Variants in BOD1L1 observed in about 807,000 individuals in gnomAD.
BOD1L1 encodes the protein biorientation of chromosomes in cell division 1 like 1, also known as biorientation of chromosomes in cell division protein 1-like 1.
BOD1L1 carries 86 observed loss-of-function variants against 240.7 expected under a neutral mutation model. The observed-to-expected ratio is 0.36, with a 90% confidence interval of 0.30 to 0.43. The LOEUF (loss-of-function observed/expected upper bound fraction) is 0.43. Ranked by LOEUF, BOD1L1 falls within the 20% of genes least tolerant of loss-of-function variation. BOD1L1 has a pLI of 1.00. For synonymous variants in BOD1L1, 1,268 were observed against 1,272.3 expected (o/e 1.00, Z 0.07); for missense variants, 3,554 against 3,643.5 (o/e 0.98, Z 0.63).
Position 13,615,501 on chromosome 4 carries a change from A to G in BOD1L1, c.370T>C (p.Ser124Pro). The G allele has an allele frequency of 6.3e-7, 1 of 1,587,584 alleles. No homozygotes were observed. Among genetic ancestry groups the G allele is most frequent in the South Asian group, 1.2e-5 (1 of 86,610 alleles). The change falls in exon 3 of 26, where the codon TCA becomes CCA. Residue 124 changes from serine (S) to proline (P), a missense_variant and splice_region_variant. By Grantham distance (74) the Ser-to-Pro change is moderately conservative. Coordinates refer to ENST00000040738, the MANE Select transcript of BOD1L1 (RefSeq NM_148894.3). ...RNNIRQQVLK[S>P]GMLESGIDRI... Reference sequence around the variant, plus strand: ...TCAATACCAGACTCCAACATTCCTGATCTGAAACACAAGATAATTTATGGA... The same window carrying G: ...TCAATACCAGACTCCAACATTCCTGGTCTGAAACACAAGATAATTTATGGA...
chr4:13,587,662 T>A lies in BOD1L1; in HGVS notation c.8353+37A>T, dbSNP rs1022396867. 2.8e-6 allele frequency: 4 copies of A among 1,433,456 alleles called. No individual in the cohort carries two copies. In the African/African-American group the frequency reaches 5.7e-5, roughly 21 times the overall value. 88.8% of individuals were successfully genotyped at this position (1,433,456 alleles called of 1,614,324 possible). On this transcript the variant is annotated intron_variant, in intron 16 of 25. Coordinates refer to ENST00000040738, the MANE Select transcript of BOD1L1 (RefSeq NM_148894.3). ...CTTTTGGATATAAAAATAATGATTT[T>A]CAAAGATGTCTAAAACAGAAACATA...
At chr4:13,577,720 A>C in intron 22 of BOD1L1, 89 bp from the exon 23 acceptor site, 8 of 933,612 alleles carry the variant, frequency 8.6e-6, no homozygotes, top group Non-Finnish European at 1.2e-5. Flanking sequence ...TCAATGTATC[A>C]GTATTAATAC....
At chr4:13,573,706 TA>T (rs1386317794) in intron 25 of BOD1L1, among the ~76,000 whole-genome samples, 1 of 152,022 alleles carries the variant, frequency 6.6e-6, no homozygotes, top group Non-Finnish European at 1.5e-5. Context: ...GTACTTTTAG[TA>T]GAGATGAGGT....
At chr4:13,570,260 A>G (rs1712103951) in intron 25 of BOD1L1, 132 bp from the exon 26 acceptor site, 2 of 593,944 alleles carry the variant, frequency 3.4e-6, no homozygotes, top group Non-Finnish European at 5.5e-6. Context: ...ACATTTATAC[A>G]TGAAAAGGAG....
At chr4:13,578,573 G>A (rs1421026368) in intron 22 of BOD1L1, among the ~76,000 whole-genome samples, 4 of 152,036 alleles carry the variant, frequency 2.6e-5, no homozygotes, top group Non-Finnish European at 4.4e-5. Flanking sequence ...TATGAGACAG[G>A]GTCTTGCTCT....
intron 1 of BOD1L1, 107 bp from the exon 2 acceptor site, chr4:13,620,174 C>T: frequency 4.2e-6 from 5 of 1,194,288 alleles, no homozygotes; most frequent in South Asian, 1.7e-5. Flanking sequence ...CAGTTTCTGA[C>T]AATTCTGCTT....
chr4:13,575,871 T>C (rs1267217590), intron 25 of BOD1L1, among the ~76,000 whole-genome samples: 2 of 151,738 alleles, frequency 1.3e-5, no homozygotes, highest in Non-Finnish European at 2.9e-5. Flanking sequence ...AACAGGCTTC[T>C]TTCCTTTAGG....
Position 13,579,977 on chromosome 4 carries a change from T to C in BOD1L1, c.8704-4A>G. ...TGCTAGATGGAGATTGTTCTACCTA[T>C]GTTTAAATAAACAAACAAAAAAAAA... On this transcript the variant is annotated splice_region_variant and splice_polypyrimidine_tract_variant and intron_variant, in intron 21 of 25. Transcript: ENST00000040738. 1.3e-6 allele frequency: 2 copies of C among 1,552,922 alleles called. No homozygotes were observed. The highest frequency in any genetic ancestry group is 1.9e-5 in the Admixed American group (1 of 51,390).
rs1002050332 is a variant in BOD1L1, at chr4:13,615,226, A to C, written c.559+86T>G. ...TTCATTGGAATAGCCAAATTAAAAA[A>C]TGTGTTAAAGAGCCAAGTATCCCTA... is the stretch of plus-strand genomic sequence containing the variant. On this transcript the variant is annotated intron_variant, in intron 3 of 25. Coordinates refer to ENST00000040738, the MANE Select transcript of BOD1L1 (RefSeq NM_148894.3). The C allele has an allele frequency of 3.1e-5, 41 of 1,317,692 alleles. No individual in the cohort carries two copies. In the African/African-American group the frequency reaches 5.4e-4, roughly 17 times the overall value. 81.6% of individuals were successfully genotyped at this position (1,317,692 alleles called of 1,614,324 possible). A position where few individuals can be genotyped will look rare whatever the true frequency, so the allele number is the denominator to read the frequency against.
At chr4:13,576,249 G>A (rs1297355011) in intron 25 of BOD1L1, among the ~76,000 whole-genome samples, 1 of 152,106 alleles carries the variant, frequency 6.6e-6, no homozygotes, top group Non-Finnish European at 1.5e-5. Flanking sequence ...AACTGAGGAA[G>A]GAGAGAGAAT....
At chr4:13,573,404 G>A (rs1712373652) in intron 25 of BOD1L1, among the ~76,000 whole-genome samples, 1 of 147,342 alleles carries the variant, frequency 6.8e-6, no homozygotes, top group Admixed American at 6.9e-5. Flanking sequence ...GGTATACAGA[G>A]TTTGCTTCTA....
At chr4:13,592,549 C>T (rs1011444721) in intron 12 of BOD1L1, 1 of 152,222 alleles carries the variant, frequency 6.6e-6, no homozygotes, top group Non-Finnish European at 1.5e-5. Flanking sequence ...CAACGGACTT[C>T]AGAATCCAAA....
intron 12 of BOD1L1, among the ~76,000 whole-genome samples, chr4:13,595,363 A>T (rs1714536389): frequency 6.6e-6 from 1 of 152,220 alleles, no homozygotes; most frequent in Non-Finnish European, 1.5e-5. Context: ...GATCTCCCTT[A>T]AAATCTGTAG....
chr4:13,595,733 T>TA (rs1714566160), intron 12 of BOD1L1, 127 bp downstream of exon 12: 1 of 642,988 alleles, frequency 1.6e-6, no homozygotes, highest in African/African-American at 1.9e-5. Context: ...TAATCTATTT[T>TA]AAAAAGTGAG....
intron 17 of BOD1L1, among the ~76,000 whole-genome samples, chr4:13,585,638 GGAGGT>G (rs1713617182): frequency 6.6e-6 from 1 of 152,156 alleles, no homozygotes; most frequent in African/African-American, 2.4e-5. Context: ...TTTAGAGGCA[GGAGGT>G]GATATGATTT....
intron 16 of BOD1L1, 67 bp from the exon 17 acceptor site, chr4:13,586,542 T>A: frequency 9.3e-7 from 1 of 1,078,430 alleles, no homozygotes. Flanking sequence ...TGCATAGTTC[T>A]ATTTTAAGAC....
rs1412963825 is a variant in BOD1L1, at chr4:13,595,840, A to G, written c.8104+20T>C. Reference sequence around the variant, plus strand: ...AGGCAAAAACAAAAACAATGTGAACAACCATTCTAAAGAGCTCACCTATTC... The same window carrying G: ...AGGCAAAAACAAAAACAATGTGAACGACCATTCTAAAGAGCTCACCTATTC... On this transcript the variant is annotated intron_variant, in intron 12 of 25. Transcript: ENST00000040738. The G allele has an allele frequency of 6.3e-7, 1 of 1,598,874 alleles. No individual in the cohort carries two copies. Among genetic ancestry groups the G allele is most frequent in the Non-Finnish European group, 8.5e-7 (1 of 1,171,618 alleles).
At chr4:13,609,685 G>A (rs1199011279) in intron 6 of BOD1L1, among the ~76,000 whole-genome samples, 1 of 152,120 alleles carries the variant, frequency 6.6e-6, no homozygotes, top group African/African-American at 2.4e-5. Flanking sequence ...AAAGGGAAAG[G>A]TATAATTTTG....
At chr4:13,605,361 A>C (rs1461055285) in intron 9 of BOD1L1, among the ~76,000 whole-genome samples, 3 of 152,230 alleles carry the variant, frequency 2.0e-5, no homozygotes, top group Non-Finnish European at 2.9e-5. Flanking sequence ...CAATATGAAC[A>C]ATTTTATGAG....
Sources: allele counts gnomAD v4.1 joint callset (sites outside exome capture counted in the v4.1 genomes callset), GRCh38; gene constraint gnomAD v4.1.1; transcripts MANE v1.5; gene names NCBI Gene and HGNC (gene_info 2026-07-23, HGNC 2026-07-21).